RALYL: variants seen among roughly 807,000 people sequenced by gnomAD.
RALYL encodes the protein RALY RNA binding protein like, also known as RNA-binding Raly-like protein.
RALYL carries 29 observed loss-of-function variants against 35.1 expected under a neutral mutation model. The observed-to-expected ratio is 0.83, with a 90% CI of 0.61 to 1.13. RALYL has a LOEUF of 1.13. RALYL is among the 50% of genes most tolerant of loss of function. RALYL has a pLI of 0.00. For missense variants in RALYL, 359 were observed against 360.4 expected (o/e 1.00, Z 0.03); for synonymous variants, 120 against 127.6 (o/e 0.94, Z 0.40).
intron 1 of RALYL, among the ~76,000 whole-genome samples, chr8:84,492,921 A>T (rs1192900895): frequency 6.6e-6 from 1 of 151,832 alleles, no homozygotes; most frequent in Non-Finnish European, 1.5e-5. Flanking sequence ...TTTTTTAAAA[A>T]CTCTAAGTTC....
intron 2 of RALYL, among the ~76,000 whole-genome samples, chr8:84,634,632 A>G (rs1824636353): frequency 6.6e-6 from 1 of 151,796 alleles, no homozygotes; most frequent in Non-Finnish European, 1.5e-5. Context: ...CAATACATTT[A>G]TTAATAAGGG....
chr8:84,412,726 C>T (rs370957606), intron 1 of RALYL, among the ~76,000 whole-genome samples: 1 of 151,940 alleles, frequency 6.6e-6, no homozygotes, highest in Non-Finnish European at 1.5e-5. Context: ...TTTCTTGGCT[C>T]CTTAGAGAGG....
chr8:84,425,370 C>G (rs564067618), intron 1 of RALYL, among the ~76,000 whole-genome samples: 2 of 152,182 alleles, frequency 1.3e-5, no homozygotes, highest in Non-Finnish European at 2.9e-5. Context: ...TGACCCCTTG[C>G]GCTTCCCAGG....
chr8:84,911,389 T>C (rs1470290689), intron 8 of RALYL, among the ~76,000 whole-genome samples: 1 of 152,168 alleles, frequency 6.6e-6, no homozygotes, highest in African/African-American at 2.4e-5. Context: ...CATTGAAATA[T>C]TCAATGGCTA....
intron 1 of RALYL, among the ~76,000 whole-genome samples, chr8:84,294,441 T>C (rs1377136272): frequency 6.6e-6 from 1 of 152,170 alleles, no homozygotes; most frequent in Admixed American, 6.6e-5. Flanking sequence ...AGGATAATAG[T>C]AGTATCTAAA....
chr8:84,774,706 G>A, intron 3 of RALYL, 52 bp downstream of exon 3: 2 of 1,169,422 alleles, frequency 1.7e-6, no homozygotes, highest in Non-Finnish European at 2.5e-6. Context: ...TTTTCTTGCA[G>A]CTTTATAAGG....
chr8:84,323,086 A>G (rs1845178141), intron 1 of RALYL, among the ~76,000 whole-genome samples: 1 of 152,034 alleles, frequency 6.6e-6, no homozygotes, highest in Non-Finnish European at 1.5e-5. Context: ...GAAAATATAT[A>G]TTGTGGTACA....
At chr8:84,443,998 T>C (rs2133036224) in intron 1 of RALYL, among the ~76,000 whole-genome samples, 1 of 152,230 alleles carries the variant, frequency 6.6e-6, no homozygotes, top group Middle Eastern at 3.4e-3. Context: ...TTTTGTTTTA[T>C]CTTATTTTCC....
intron 2 of RALYL, among the ~76,000 whole-genome samples, chr8:84,663,830 A>G (rs1831384766): frequency 6.6e-6 from 1 of 151,922 alleles, no homozygotes; most frequent in Non-Finnish European, 1.5e-5. Context: ...ATTAGCTCCC[A>G]TTTTTCAATT....
At chr8:84,406,867 C>T (rs1273910676) in intron 1 of RALYL, among the ~76,000 whole-genome samples, 1 of 152,052 alleles carries the variant, frequency 6.6e-6, no homozygotes, top group Admixed American at 6.6e-5. Flanking sequence ...CAAATATAAT[C>T]TTCAAAGGAG....
At chr8:84,213,845 G>A (rs1453681788) in intron 1 of RALYL, among the ~76,000 whole-genome samples, 8 of 152,100 alleles carry the variant, frequency 5.3e-5, no homozygotes, top group Non-Finnish European at 7.4e-5. Flanking sequence ...ATGCAATAAC[G>A]ATCAATCTAT....
At chr8:84,622,806 A>G (rs1316927145) in intron 2 of RALYL, among the ~76,000 whole-genome samples, 1 of 152,218 alleles carries the variant, frequency 6.6e-6, no homozygotes, top group Non-Finnish European at 1.5e-5. Context: ...GTTTAATTTG[A>G]AAAATAGACA....
At chr8:84,790,830 C>T (rs78565420) in intron 3 of RALYL, among the ~76,000 whole-genome samples, 4,455 of 152,206 alleles carry the variant, frequency 0.029, 105 homozygotes, top group Non-Finnish European at 0.048. Flanking sequence ...TTCACATCTG[C>T]CTTATTTGAA....
intron 3 of RALYL, among the ~76,000 whole-genome samples, chr8:84,782,543 A>G (rs1312374539): frequency 6.6e-6 from 1 of 152,238 alleles, no homozygotes; most frequent in Admixed American, 6.5e-5. Flanking sequence ...TACACCTTGG[A>G]AACTGTAGCC....
intron 1 of RALYL, among the ~76,000 whole-genome samples, chr8:84,515,215 A>C (rs1469650854): frequency 6.6e-6 from 1 of 152,210 alleles, no homozygotes; most frequent in East Asian, 1.9e-4. Context: ...ACATAGTGAC[A>C]GTGATTATTT....
rs182963928 is a variant in RALYL, at chr8:84,874,241, T to A, written c.685+844T>A. Among the ~76,000 whole-genome samples the A allele has an allele frequency of 1.9e-3, 286 of 152,222 alleles. 3 individuals are homozygous for A. Among genetic ancestry groups the A allele is most frequent in the Middle Eastern group, 0.017 (5 of 294 alleles). On this transcript the variant is annotated intron_variant, in intron 7 of 8. Transcript: ENST00000521268. ...CTGTTCTAGATACTGGCATTCAACA[T>A]AAGACTTAATTTGCTGGAAGAGTTC...
chr8:84,403,824 G>A (rs952084031), intron 1 of RALYL, among the ~76,000 whole-genome samples: 2 of 151,928 alleles, frequency 1.3e-5, no homozygotes, highest in South Asian at 4.2e-4. Flanking sequence ...AGCATGGAAT[G>A]TTTTTTCATT....
intron 4 of RALYL, among the ~76,000 whole-genome samples, chr8:84,822,497 G>GTGTATGTGCAAAATATTATA (rs1828765370): frequency 6.6e-6 from 1 of 152,174 alleles, no homozygotes; most frequent in Non-Finnish European, 1.5e-5. Flanking sequence ...GAAGGGCACT[G>GTGTATGTGCAAAATATTATA]TGTATGTGCA....
intron 1 of RALYL, among the ~76,000 whole-genome samples, chr8:84,502,921 A>C (rs2056831081): frequency 6.6e-6 from 1 of 152,104 alleles, no homozygotes; most frequent in South Asian, 2.1e-4. Flanking sequence ...TTTAAAAAAA[A>C]AAAAGGAAAA....
Sources: allele counts gnomAD v4.1 joint callset (sites outside exome capture counted in the v4.1 genomes callset), GRCh38; gene constraint gnomAD v4.1.1; transcripts MANE v1.5; gene names NCBI Gene and HGNC (gene_info 2026-07-23, HGNC 2026-07-21).